Variants in TBC1D4 observed in about 807,000 individuals in gnomAD.
The protein encoded by TBC1D4 is TBC (Tre-2, BUB2, CDC16) domain-containing protein.
A neutral mutation model predicts 142.5 loss-of-function variants in TBC1D4; 121 were observed. The observed-to-expected ratio is 0.85, with a 90% CI of 0.73 to 0.99. The LOEUF (loss-of-function observed/expected upper bound fraction) is 0.99. TBC1D4 is among the 50% of genes least tolerant of loss of function. The pLI is 0.00. For synonymous variants in TBC1D4, 630 were observed against 628.2 expected (o/e 1.00, Z -0.04); for missense variants, 1,475 against 1,606.6 (o/e 0.92, Z 1.40).
intron 1 of TBC1D4, among the ~76,000 whole-genome samples, chr13:75,456,748 C>T (rs572117251): frequency 1.3e-5 from 2 of 149,396 alleles, no homozygotes; most frequent in Non-Finnish European, 3.0e-5. Context: ...ATCTAGTAAG[C>T]CCAAACCAAT....
Position 75,314,302 on chromosome 13 carries a change from CA to C in TBC1D4, c.2223-1405del, listed in dbSNP as rs554237044. Reference sequence around the variant, plus strand: ...GAAGGTATAAGACTTTTGATGGAATCAAAAGGTCAGTGCTGAGGTCAGAAAT... The same window carrying C: ...GAAGGTATAAGACTTTTGATGGAATCAAAGGTCAGTGCTGAGGTCAGAAAT... On this transcript the variant is annotated intron_variant, in intron 12 of 20. Coordinates refer to ENST00000377636, the MANE Select transcript of TBC1D4 (RefSeq NM_014832.5). Among the ~76,000 whole-genome samples, 103 of 152,194 alleles carry C rather than the reference CA, an allele frequency of 6.8e-4. 1 individual carries two copies. Among genetic ancestry groups the C allele is most frequent in the African/African-American group, 2.3e-3 (97 of 41,528 alleles).
chr13:75,352,667 G>T (rs1359447762), intron 4 of TBC1D4, among the ~76,000 whole-genome samples: 2 of 152,194 alleles, frequency 1.3e-5, no homozygotes, highest in African/African-American at 2.4e-5. Context: ...GACAAAGACA[G>T]GAGAAAAGGA....
rs1880321436 is a variant in TBC1D4, at chr13:75,337,473, C to T, written c.1612-433G>A. ...CAAACAAAACTGGATTCTGGTAATG[C>T]CTCTGTTATAATTCCATTTTCATTC... On this transcript the variant is annotated intron_variant, in intron 7 of 20. Coordinates refer to ENST00000377636, the MANE Select transcript of TBC1D4 (RefSeq NM_014832.5). 2.0e-5 allele frequency among the ~76,000 whole-genome samples: 3 copies of T among 152,278 alleles called. No individual in the cohort carries two copies. The South Asian group carries it at 6.2e-4, about 32-fold the overall frequency.
chr13:75,303,733 T>G (rs908596905), intron 15 of TBC1D4, among the ~76,000 whole-genome samples: 7 of 152,228 alleles, frequency 4.6e-5, no homozygotes, highest in Non-Finnish European at 1.0e-4. Context: ...CTCGTTGGCA[T>G]GACTTATGAG....
intron 1 of TBC1D4, among the ~76,000 whole-genome samples, chr13:75,411,434 G>A (rs990844444): frequency 6.6e-6 from 1 of 152,114 alleles, no homozygotes; most frequent in Non-Finnish European, 1.5e-5. Flanking sequence ...AGGGCCATTT[G>A]GTTAAAGTGT....
chr13:75,448,386 G>A (rs1887385307), intron 1 of TBC1D4, among the ~76,000 whole-genome samples: 1 of 152,010 alleles, frequency 6.6e-6, no homozygotes, highest in Non-Finnish European at 1.5e-5. Flanking sequence ...TGACCAACAT[G>A]GAGAAACCCT....
intron 1 of TBC1D4, among the ~76,000 whole-genome samples, chr13:75,417,465 T>C (rs1245465967): frequency 6.6e-6 from 1 of 152,088 alleles, no homozygotes; most frequent in Non-Finnish European, 1.5e-5. Context: ...GCTGAAATTA[T>C]AATACCAGAT....
chr13:75,361,405 G>C (rs1054455965), intron 2 of TBC1D4, among the ~76,000 whole-genome samples: 3 of 152,066 alleles, frequency 2.0e-5, no homozygotes, highest in Admixed American at 2.0e-4. Flanking sequence ...TGTTGAGATG[G>C]AGTCTCGCTC....
Position 75,362,035 on chromosome 13 carries a change from C to A in TBC1D4, c.1071G>T (p.Met357Ile). Residue 357 changes from methionine to isoleucine, a missense_variant, in exon 2 of 21, where the codon ATG (methionine) becomes ATT (isoleucine). Met to Ile is a conservative substitution (Grantham distance 10, BLOSUM62 1). This residue lies in a region of TBC1D4 where 1,227 missense variants were observed against 1,267.7 expected (regional missense o/e 0.97). Coordinates refer to ENST00000377636, the MANE Select transcript of TBC1D4 (RefSeq NM_014832.5). The surrounding 1 kb of genome is among the most constrained non-coding windows in gnomAD (Gnocchi z 4.2). Reference protein sequence around the residue: ...QPSDSEKNRTMLFQVGRFEIN... With the variant: ...QPSDSEKNRTILFQVGRFEIN... ...GTCCGATCAGGTGTACCTGGAAGAG[C>A]ATGGTCCTGTTCTTCTCCGAGTCCG... The A allele has an allele frequency of 6.2e-7, 1 of 1,614,170 alleles. No individual in the cohort carries two copies. Among genetic ancestry groups the A allele is most frequent in the Non-Finnish European group, 8.5e-7 (1 of 1,180,036 alleles).
chr13:75,325,414 G>GC (rs1477253839), intron 10 of TBC1D4, among the ~76,000 whole-genome samples: 3 of 145,342 alleles, frequency 2.1e-5, no homozygotes, highest in African/African-American at 7.5e-5. Context: ...ATCGAGTTGT[G>GC]TTTTTTTTTT....
At chr13:75,389,759 G>A (rs1464249987) in intron 1 of TBC1D4, among the ~76,000 whole-genome samples, 1 of 152,124 alleles carries the variant, frequency 6.6e-6, no homozygotes, top group Non-Finnish European at 1.5e-5. Context: ...ATGGTACTGT[G>A]GTTGGCTACT....
chr13:75,380,988 T>C (rs191113419), intron 1 of TBC1D4, among the ~76,000 whole-genome samples: 30 of 152,296 alleles, frequency 2.0e-4, no homozygotes, highest in African/African-American at 7.2e-4. Flanking sequence ...ACTTACTATG[T>C]GATTTTTGGC....
At chr13:75,408,768 T>C (rs1885459084) in intron 1 of TBC1D4, among the ~76,000 whole-genome samples, 2 of 152,158 alleles carry the variant, frequency 1.3e-5, no homozygotes, top group South Asian at 4.1e-4. Context: ...GCTGTTCTGG[T>C]GGGCGTGAAG....
intron 18 of TBC1D4, among the ~76,000 whole-genome samples, chr13:75,292,679 T>C (rs1875439697): frequency 6.7e-6 from 1 of 149,716 alleles, no homozygotes; most frequent in Non-Finnish European, 1.5e-5. Context: ...TAATAAAAAG[T>C]AAATGAACCA....
chr13:75,410,131 G>A (rs1036786729), intron 1 of TBC1D4, among the ~76,000 whole-genome samples: 8 of 152,288 alleles, frequency 5.3e-5, no homozygotes, highest in South Asian at 2.1e-4. Context: ...AAATAACGGT[G>A]TATGCTCATG....
intron 13 of TBC1D4, among the ~76,000 whole-genome samples, chr13:75,312,151 A>G (rs775822077): frequency 7.2e-5 from 11 of 152,176 alleles, no homozygotes; most frequent in African/African-American, 2.6e-4. Context: ...TAATAGGTCA[A>G]TTACTCAAAG....
intron 1 of TBC1D4, among the ~76,000 whole-genome samples, chr13:75,415,689 A>G (rs748424600): frequency 5.3e-5 from 8 of 152,222 alleles, no homozygotes; most frequent in African/African-American, 1.9e-4. Flanking sequence ...GAAGGCCACA[A>G]AATTTCTTGA....
In TBC1D4 at chr13:75,292,186, A is replaced by G. The variant is rs112730803; in HGVS notation, c.3402T>C (p.Cys1134=). The change falls in exon 19 of 21, where the codon TGT becomes TGC. Residue 1134 remains cysteine (C), a synonymous_variant. Coordinates refer to ENST00000377636, the MANE Select transcript of TBC1D4 (RefSeq NM_014832.5). ...ACTCAACAATATTTTCAAAGCTCTC[A>G]CATTCCATTATAAGTGTCTCTTGGC... The part of the protein sequence containing the change: ...LSSQETLIME[C]ESFENIVEFL... The G allele has an allele frequency of 3.0e-5, 49 of 1,613,556 alleles. 1 individual carries two copies. The African/African-American group carries it at 5.9e-4, about 19-fold the overall frequency.
At chr13:75,380,916 C>A (rs1017665152) in intron 1 of TBC1D4, among the ~76,000 whole-genome samples, 4 of 152,012 alleles carry the variant, frequency 2.6e-5, no homozygotes, top group African/African-American at 7.3e-5. Flanking sequence ...TCTACTATGC[C>A]CAATTATAAA....
Sources: gnomAD v4.1 joint callset for allele counts (sites outside exome capture counted in the v4.1 genomes callset) on GRCh38, gnomAD v4.1.1 for gene constraint, gnomAD v4.1.1 regional missense constraint, Gnocchi (gnomAD v3.1) non-coding constraint, MANE v1.5 for transcripts, NCBI Gene and HGNC (gene_info 2026-07-23, HGNC 2026-07-21) for gene names.